SYNE2: variants seen among roughly 807,000 people sequenced by gnomAD.
SYNE2 encodes the protein nesprin-2.
SYNE2 carries 431 observed loss-of-function variants against 856.3 expected under a neutral mutation model. The observed-to-expected ratio is 0.50, with a 90% CI of 0.47 to 0.55. SYNE2 has a LOEUF of 0.55. SYNE2 is among the 20% of genes least tolerant of loss of function. SYNE2 has a pLI of 0.00. For missense variants in SYNE2, 8,129 were observed against 8,023.2 expected, an observed-to-expected ratio of 1.01 and a Z score of -0.50; for synonymous variants, 2,923 against 2,872.3, an observed-to-expected ratio of 1.02 and a Z score of -0.56.
intron 1 of SYNE2, among the ~76,000 whole-genome samples, chr14:63,796,148 T>C (rs1015820958): frequency 1.3e-5 from 2 of 152,204 alleles, no homozygotes; most frequent in Non-Finnish European, 2.9e-5. Context: ...CTTACCTCTC[T>C]GCTAATATAA....
chr14:64,012,040 C>T (rs529070673), intron 32 of SYNE2, among the ~76,000 whole-genome samples: 3 of 152,268 alleles, frequency 2.0e-5, no homozygotes, highest in South Asian at 2.1e-4. Context: ...TCCATTCAAT[C>T]GGGTGGAGGA....
chr14:63,776,600 C>CTTT (rs35847392), intron 1 of SYNE2, among the ~76,000 whole-genome samples: 3 of 133,438 alleles, frequency 2.2e-5, no homozygotes, highest in Non-Finnish European at 3.2e-5. Flanking sequence ...TTCTTTCTTT[C>CTTT]TTTTTTTTTT....
At chr14:64,018,626 G>T (rs2096913107) in intron 34 of SYNE2, among the ~76,000 whole-genome samples, 2 of 152,224 alleles carry the variant, frequency 1.3e-5, no homozygotes, top group Non-Finnish European at 2.9e-5. Context: ...CAACCCTGCT[G>T]TTGGAGAATT....
rs1485815530 is a variant in SYNE2, at chr14:64,078,456, T to C, written c.11023-10T>C. ...TCTCTAAGCCAAATGCGTCTTTGTCTCTTTCACAGATTAGCAATGAAGTCT... is the reference window on the plus strand; with the variant it reads ...TCTCTAAGCCAAATGCGTCTTTGTCCCTTTCACAGATTAGCAATGAAGTCT... On this transcript the variant is annotated splice_polypyrimidine_tract_variant and intron_variant, in intron 54 of 115. Transcript: ENST00000555002. 4 of 1,613,756 alleles carry C rather than the reference T, an allele frequency of 2.5e-6. No individual in the cohort carries two copies. In the East Asian group the frequency reaches 6.7e-5, roughly 27 times the overall value.
intron 1 of SYNE2, among the ~76,000 whole-genome samples, chr14:63,811,044 A>C (rs1231030534): frequency 6.6e-6 from 1 of 152,008 alleles, no homozygotes; most frequent in Non-Finnish European, 1.5e-5. Flanking sequence ...ACCGTGTTAG[A>C]CAGGATGTTC....
chr14:64,212,126 C>A lies in SYNE2; in HGVS notation c.18861+28C>A, dbSNP rs201046983. The A allele has an allele frequency of 8.1e-6, 13 of 1,613,448 alleles. No homozygotes were observed. The Admixed American group carries it at 2.2e-4, about 27-fold the overall frequency. On this transcript the variant is annotated intron_variant, in intron 104 of 115. Coordinates refer to ENST00000555002, the MANE Select transcript of SYNE2 (RefSeq NM_182914.3). ...GAGGGCTGCTGCTTCCCTAGCTCTT[C>A]TCAAAAGAACACACCTTTGCGTGGG...
chr14:64,000,917 A>C (rs2096749122), intron 28 of SYNE2, among the ~76,000 whole-genome samples, 198 bp downstream of exon 28: 1 of 152,210 alleles, frequency 6.6e-6, no homozygotes, highest in African/African-American at 2.4e-5. Context: ...TAATAATATA[A>C]CCAGGCCACA....
chr14:63,941,962 A>G lies in SYNE2; in HGVS notation c.315A>G (p.Ser105=). The G allele has an allele frequency of 6.2e-7, 1 of 1,611,940 alleles. No homozygotes were observed. The highest frequency in any genetic ancestry group is 8.5e-7 in the Non-Finnish European group (1 of 1,179,038). The part of the protein sequence containing the change: ...EHALTFLRNR[S]IKLINIHVTD... ...CCTTGACATTCCTAAGAAACCGATC[A>G]GTAAGTATAAATTTTTCTTAAAAAT... The change falls in exon 5 of 116, where the codon TCA becomes TCG. Residue 105 remains serine, a splice_region_variant and synonymous_variant. Transcript: ENST00000555002.
intron 28 of SYNE2, 52 bp from the exon 29 acceptor site, chr14:64,001,882 G>A (rs1594782757): frequency 1.3e-6 from 2 of 1,599,508 alleles, no homozygotes; most frequent in East Asian, 2.2e-5. Context: ...CAGTTTCATA[G>A]GATATCTTTC....
intron 37 of SYNE2, among the ~76,000 whole-genome samples, chr14:64,022,313 C>A (rs1198468376): frequency 6.6e-6 from 1 of 152,166 alleles, no homozygotes; most frequent in Non-Finnish European, 1.5e-5. Context: ...TGGGGAAATA[C>A]TGGTGCACAA....
chr14:63,997,303 G>A lies in SYNE2; in HGVS notation c.3155G>A (p.Gly1052Glu), dbSNP rs746501684. 6.2e-7 allele frequency: 1 copy of A among 1,612,870 alleles called. No individual in the cohort carries two copies. Among genetic ancestry groups the A allele is most frequent in the Non-Finnish European group, 8.5e-7 (1 of 1,179,442 alleles). Residue 1052 changes from glycine (G) to glutamate (E), a missense_variant and splice_region_variant, in exon 25 of 116, where the codon GGG becomes GAG. Physicochemically the swap from Gly to Glu is moderately conservative, Grantham distance 98. Transcript: ENST00000555002. ...ATGCAATTTTGATTCCTTTCTAGGGGGACCATCACCACATCTGAGAATAGA... is the reference window on the plus strand; with the variant it reads ...ATGCAATTTTGATTCCTTTCTAGGGAGACCATCACCACATCTGAGAATAGA... ...PTAGGTSKNEGTITTSENRGG... is the reference protein window; with the variant it reads ...PTAGGTSKNEETITTSENRGG...
rs1479835546 is a variant in SYNE2 at position 64,024,903 on chromosome 14, C to G, written c.5841-9C>G. 6.2e-7 allele frequency: 1 copy of G among 1,613,626 alleles called. No individual in the cohort carries two copies. Among genetic ancestry groups the G allele is most frequent in the Admixed American group, 1.7e-5 (1 of 59,988 alleles). On this transcript the variant is annotated splice_polypyrimidine_tract_variant and intron_variant, in intron 39 of 115. Coordinates refer to ENST00000555002, the MANE Select transcript of SYNE2 (RefSeq NM_182914.3). Reference sequence around the variant, plus strand: ...ATTTTGTATTTAAACATGTGTAATGCTCTTTTAGACTCCAGGATGACCATA... The same window carrying G: ...ATTTTGTATTTAAACATGTGTAATGGTCTTTTAGACTCCAGGATGACCATA...
At chr14:63,974,759 C>CGT (rs72348396) in intron 11 of SYNE2, among the ~76,000 whole-genome samples, 3 of 135,966 alleles carry the variant, frequency 2.2e-5, no homozygotes, top group African/African-American at 5.5e-5. Context: ...TATGTATATA[C>CGT]GTGTGTGTGT....
chr14:64,007,887 A>G (rs912539395), intron 31 of SYNE2, among the ~76,000 whole-genome samples: 3 of 152,096 alleles, frequency 2.0e-5, no homozygotes, highest in Non-Finnish European at 1.5e-5. Flanking sequence ...GCATGTGCCT[A>G]TAGTCCCAGC....
intron 79 of SYNE2, among the ~76,000 whole-genome samples, chr14:64,138,870 G>GCCAGCAGCAGTTTGTTGT (rs1231908605): frequency 3.3e-5 from 5 of 151,446 alleles, no homozygotes; most frequent in Non-Finnish European, 7.4e-5. Flanking sequence ...TGGGTGTTCA[G>GCCAGCAGCAGTTTGTTGT]CCAGCAGCAG....
intron 6 of SYNE2, among the ~76,000 whole-genome samples, chr14:63,943,206 G>C (rs2095951995): frequency 6.6e-6 from 1 of 152,188 alleles, no homozygotes; most frequent in African/African-American, 2.4e-5. Flanking sequence ...AGTTGTGGAT[G>C]CATTTCGTTT....
intron 44 of SYNE2, 49 bp from the exon 45 acceptor site, chr14:64,030,967 C>T: frequency 1.4e-6 from 2 of 1,401,644 alleles, no homozygotes; most frequent in Non-Finnish European, 2.0e-6. Context: ...AGTCAATTAA[C>T]TTTTGTGGCA....
intron 2 of SYNE2, among the ~76,000 whole-genome samples, chr14:63,936,592 G>A (rs2095836710): frequency 6.6e-6 from 1 of 152,156 alleles, no homozygotes; most frequent in African/African-American, 2.4e-5. Context: ...TGGGGAGTTT[G>A]AGGAATACAG....
At chr14:64,070,601 T>C (rs1192258958) in intron 51 of SYNE2, 44 bp from the exon 52 acceptor site, 1 of 1,543,490 alleles carries the variant, frequency 6.5e-7, no homozygotes, top group East Asian at 2.3e-5. Flanking sequence ...TGAAATGTAA[T>C]TGTATATTTT....
Sources: allele counts gnomAD v4.1 joint callset (sites outside exome capture counted in the v4.1 genomes callset), GRCh38; gene constraint gnomAD v4.1.1; transcripts MANE v1.5; gene names NCBI Gene and HGNC (gene_info 2026-07-23, HGNC 2026-07-21).